Variants in ANK1 observed in about 807,000 individuals in gnomAD.
The protein encoded by ANK1 is ankyrin-1.
Under a neutral mutation model 210.4 loss-of-function variants are expected in ANK1, and 51 were observed. The ratio of observed to expected loss-of-function variants is 0.24; its 90% CI spans 0.19 to 0.31. The LOEUF (loss-of-function observed/expected upper bound fraction) is 0.31. ANK1 is among the 10% of genes least tolerant of loss of function. ANK1 has a pLI of 1.00. For missense variants in ANK1, 2,051 were observed against 2,504.4 expected (o/e 0.82, Z 3.86); for synonymous variants, 967 against 1,025.9 (o/e 0.94, Z 1.10).
intron 20 of ANK1, 72 bp from the exon 21 acceptor site, chr8:41,702,216 A>C: frequency 7.7e-7 from 1 of 1,295,658 alleles, no homozygotes; most frequent in Non-Finnish European, 1.1e-6. Context: ...CTCCCTAGAC[A>C]CAGATCGAGT....
rs184388191 is a variant in ANK1 at position 41,748,843 on chromosome 8, A to G, written c.129+9193T>C. Among the ~76,000 whole-genome samples the G allele has an allele frequency of 4.0e-3, 611 of 152,266 alleles. 4 individuals carry two copies. The highest frequency in any genetic ancestry group is 0.02 in the Middle Eastern group (6 of 294). ...GAGGTCAGGAGATCAAGACCATCCC[A>G]GCTAACACAGTGAAATCCCGTCTCT... is the stretch of plus-strand genomic sequence containing the variant. On this transcript the variant is annotated intron_variant, in intron 2 of 42. Coordinates refer to ENST00000289734, the MANE Select transcript of ANK1 (RefSeq NM_000037.4).
intron 1 of ANK1, among the ~76,000 whole-genome samples, chr8:41,790,977 A>G (rs541322764): frequency 2.6e-5 from 4 of 152,116 alleles, no homozygotes; most frequent in Non-Finnish European, 5.9e-5. Context: ...GGCCCAGCCC[A>G]GCTCCCCCAC....
At chr8:41,767,934 G>A (rs1586818131) in intron 1 of ANK1, among the ~76,000 whole-genome samples, 1 of 152,324 alleles carries the variant, frequency 6.6e-6, no homozygotes, top group South Asian at 2.1e-4. Context: ...ATCGTGTCGT[G>A]AGATACCAGT....
At chr8:41,691,298 C>G (rs1046273222) in intron 31 of ANK1, among the ~76,000 whole-genome samples, 2 of 152,184 alleles carry the variant, frequency 1.3e-5, no homozygotes, top group African/African-American at 4.8e-5. Flanking sequence ...CTGGAAAGCA[C>G]TTGCTCTGTT....
intron 1 of ANK1, among the ~76,000 whole-genome samples, chr8:41,869,906 A>G (rs1205152123): frequency 6.6e-6 from 1 of 152,230 alleles, no homozygotes; most frequent in East Asian, 1.9e-4. Flanking sequence ...TCTGAGTGCA[A>G]TAAGTCTCAA....
chr8:41,754,514 T>C (rs1262185196), intron 2 of ANK1, among the ~76,000 whole-genome samples: 5 of 152,206 alleles, frequency 3.3e-5, no homozygotes, highest in Non-Finnish European at 7.3e-5. Context: ...AAAAACATAC[T>C]ATTTGAAAGT....
At chr8:41,845,160 G>A (rs988157971) in intron 1 of ANK1, among the ~76,000 whole-genome samples, 4 of 152,086 alleles carry the variant, frequency 2.6e-5, no homozygotes, top group African/African-American at 9.7e-5. Context: ...CGAGGCAGGC[G>A]GATTGCCTGA....
chr8:41,679,140 G>A (rs765400904), intron 37 of ANK1, among the ~76,000 whole-genome samples: 4 of 152,194 alleles, frequency 2.6e-5, no homozygotes, highest in South Asian at 2.1e-4. Flanking sequence ...TCAATGGATC[G>A]ATTTTTCTCC....
rs1401778442 is a variant in ANK1 at position 41,699,523 on chromosome 8, A to G, written c.2487T>C (p.Ala829=). ...DEGEELISFK[A]ERRDSRDVDE... is the part of the protein sequence containing the mutation. Reference sequence around the variant, plus strand: ...CAACATCCCTGGAATCCCGCCTCTCAGCCTTGAAGCTGATGAGTTCTTCCC... The same window carrying G: ...CAACATCCCTGGAATCCCGCCTCTCGGCCTTGAAGCTGATGAGTTCTTCCC... The change falls in exon 23 of 43, where the codon GCT becomes GCC. Residue 829 remains alanine (A), a synonymous_variant. Transcript: ENST00000289734. 1.2e-6 allele frequency: 2 copies of G among 1,614,180 alleles called. No individual in the cohort carries two copies. Among genetic ancestry groups the G allele is most frequent in the Non-Finnish European group, 1.7e-6 (2 of 1,180,034 alleles).
chr8:41,665,273 G>A lies in ANK1; in HGVS notation c.5395-1531C>T, dbSNP rs1810102181. ...GCCCAGCAGCCAGGCTCTGCCCTGA[G>A]TGGCCCGGGTGACATCACGCTCCTA... On this transcript the variant is annotated intron_variant, in intron 39 of 42. Coordinates refer to ENST00000289734, the MANE Select transcript of ANK1 (RefSeq NM_000037.4). 5.4e-6 allele frequency: 8 copies of A among 1,491,190 alleles called. No individual in the cohort carries two copies. The South Asian group carries it at 8.5e-5, about 16-fold the overall frequency. 92.4% of individuals were successfully genotyped at this position (1,491,190 alleles called of 1,614,324 possible). A position where few individuals can be genotyped will look rare whatever the true frequency, so the allele number is the denominator to read the frequency against.
At chr8:41,865,322 T>C (rs552636211) in intron 1 of ANK1, among the ~76,000 whole-genome samples, 1 of 152,292 alleles carries the variant, frequency 6.6e-6, no homozygotes, top group Non-Finnish European at 1.5e-5. Context: ...TAGCAAGGTG[T>C]CCGGCTCCCA....
At position 41,803,085 on chromosome 8, in the gene ANK1, G is replaced by GGGAAGGGAAGGAAAGGAAAGGA. The variant is rs1563811160; in HGVS notation, c.127-44949_127-44948insTCCTTTCCTTTCCTTCCCTTCC. Among the ~76,000 whole-genome samples the GGGAAGGGAAGGAAAGGAAAGGA allele has an allele frequency of 1.4e-3, 86 of 60,014 alleles. 2 individuals carry two copies. Among genetic ancestry groups the GGGAAGGGAAGGAAAGGAAAGGA allele is most frequent in the African/African-American group, 6.4e-3 (81 of 12,650 alleles). The allele number at this position is 60,014 out of a possible 152,430, so 39.4% of individuals were successfully genotyped here. A position where few individuals can be genotyped will look rare whatever the true frequency, so the allele number is the denominator to read the frequency against. On this transcript the variant is annotated intron_variant, in intron 1 of 42. Transcript: ENST00000265709. ...AAAGGAAGGAAGGAAGGAAGGAAGG[G>GGGAAGGGAAGGAAAGGAAAGGA]AAGGAAAGGAAAGGAAAGGAAAGGA...
At chr8:41,708,045 G>A (rs915733958) in intron 17 of ANK1, among the ~76,000 whole-genome samples, 1 of 152,166 alleles carries the variant, frequency 6.6e-6, no homozygotes, top group South Asian at 2.1e-4. Flanking sequence ...GACTGCTAAC[G>A]GGTACGAGGT....
intron 1 of ANK1, among the ~76,000 whole-genome samples, chr8:41,848,864 G>T (rs1417355923): frequency 6.6e-6 from 1 of 152,274 alleles, no homozygotes; most frequent in African/African-American, 2.4e-5. Context: ...GCACTGCAAA[G>T]CCCATTCCCC....
At chr8:41,865,802 C>T (rs1167605996) in intron 1 of ANK1, among the ~76,000 whole-genome samples, 1 of 152,154 alleles carries the variant, frequency 6.6e-6, no homozygotes, top group Non-Finnish European at 1.5e-5. Flanking sequence ...TGATTTTCCC[C>T]CAGGACTCGC....
intron 3 of ANK1, among the ~76,000 whole-genome samples, chr8:41,729,380 GT>G (rs971648433): frequency 6.6e-6 from 1 of 152,122 alleles, no homozygotes; most frequent in Non-Finnish European, 1.5e-5. Flanking sequence ...GAGAAAGTGA[GT>G]TTTTGTTTTG....
At chr8:41,731,673 T>G (rs1832209176) in intron 3 of ANK1, among the ~76,000 whole-genome samples, 1 of 152,054 alleles carries the variant, frequency 6.6e-6, no homozygotes, top group African/African-American at 2.4e-5. Flanking sequence ...CAGTTCCACC[T>G]TTTTTTCCCC....
chr8:41,863,904 A>C (rs1472768786), intron 1 of ANK1, among the ~76,000 whole-genome samples: 1 of 152,170 alleles, frequency 6.6e-6, no homozygotes, highest in Non-Finnish European at 1.5e-5. Flanking sequence ...TCTATGAAAC[A>C]GGGGCAATGA....
intron 1 of ANK1, among the ~76,000 whole-genome samples, chr8:41,833,383 G>C (rs964892785): frequency 6.6e-6 from 1 of 152,204 alleles, no homozygotes; most frequent in East Asian, 1.9e-4. Flanking sequence ...TGTAGGGAAG[G>C]GGGTGGTGCC....
Sources: allele counts gnomAD v4.1 joint callset (sites outside exome capture counted in the v4.1 genomes callset), GRCh38; gene constraint gnomAD v4.1.1; transcripts MANE v1.5; gene names NCBI Gene and HGNC (gene_info 2026-07-23, HGNC 2026-07-21).